TBC1D10A: variants seen among roughly 807,000 people sequenced by gnomAD.
TBC1D10A encodes the protein TBC1 domain family member 10A.
Under a neutral mutation model 52.9 loss-of-function variants are expected in TBC1D10A, and 24 were observed. That is an observed-to-expected ratio of 0.45 (90% CI 0.33 to 0.64). The LOEUF is 0.64. Among genes scored for constraint, TBC1D10A ranks in the 30% least tolerant of loss-of-function variants. The probability of loss-of-function intolerance (pLI) is 0.02; values close to 1 mark genes in which losing one functional copy is unlikely to be tolerated. For missense variants in TBC1D10A, 602 were observed against 687.9 expected (o/e 0.88, Z 1.40); for synonymous variants, 278 against 282.9 (o/e 0.98, Z 0.17).
At position 30,326,725 on chromosome 22, in the gene TBC1D10A, G is replaced by A; in HGVS notation, c.157C>T (p.Arg53Cys). The A allele has an allele frequency of 6.5e-7, 1 of 1,541,924 alleles. No individual in the cohort carries two copies. Among genetic ancestry groups the A allele is most frequent in the South Asian group, 1.2e-5 (1 of 85,852 alleles). Reference protein sequence around the residue: ...SDSEANGFAERRIDKFGFIVG... With the variant: ...SDSEANGFAECRIDKFGFIVG... ...ATGAAGCCGAACTTGTCGATGCGGCGCTCGGCGAAGCCGTTGGCCTCCGAG... is the reference window on the plus strand; with the variant it reads ...ATGAAGCCGAACTTGTCGATGCGGCACTCGGCGAAGCCGTTGGCCTCCGAG... Residue 53 changes from arginine (R) to cysteine (C), a missense_variant, in exon 1 of 9, where the codon CGC becomes TGC. By Grantham distance (180) the Arg-to-Cys change is radical. Around this residue, in one of 3 missense-constraint regions of TBC1D10A, gnomAD observed 201 missense variants for 204.4 expected, o/e 0.98. Transcript: ENST00000215790.
chr22:30,318,144 C>T (rs1345431106), intron 1 of TBC1D10A, among the ~76,000 whole-genome samples: 3 of 152,128 alleles, frequency 2.0e-5, no homozygotes, highest in Non-Finnish European at 4.4e-5. Flanking sequence ...AGGTTTTGTC[C>T]CAGCCAAGGC....
chr22:30,313,341 A>ATGTGTGTGTGTGTGTG (rs6147586), intron 1 of TBC1D10A, among the ~76,000 whole-genome samples: 220 of 138,104 alleles, frequency 1.6e-3, no homozygotes, highest in African/African-American at 5.4e-3. Context: ...TGCTCAATAA[A>ATGTGTGTGTGTGTGTG]TGTGTGTGTG....
chr22:30,307,360 T>C (rs1262102678), intron 1 of TBC1D10A, among the ~76,000 whole-genome samples: 1 of 152,214 alleles, frequency 6.6e-6, no homozygotes, highest in Non-Finnish European at 1.5e-5. Context: ...CCAGTTTCTT[T>C]TGGCTCAGCC....
chr22:30,292,834 C>A lies in TBC1D10A; in HGVS notation c.1068G>T (p.Val356=). 1.2e-6 allele frequency: 2 copies of A among 1,611,168 alleles called. No homozygotes were observed. The highest frequency in any genetic ancestry group is 1.7e-6 in the Non-Finnish European group (2 of 1,179,936). Residue 356 remains valine (V), a synonymous_variant, in exon 9 of 9, where the codon GTG becomes GTT. Coordinates refer to ENST00000215790, the MANE Select transcript of TBC1D10A (RefSeq NM_031937.3). ...FLVQEVVELP[V]TERQIEREHL... ...GTTCGCGCTCAATCTGGCGCTCTGT[C>A]ACGGGCAACTCCACCACCTGCAGGG...
In TBC1D10A at chr22:30,304,586, T is replaced by C; in HGVS notation, c.254A>G (p.Lys85Arg). The change falls in exon 2 of 9, where the codon AAG becomes AGG. Residue 85 changes from lysine to arginine, a missense_variant. Physicochemically the swap from Lys to Arg is conservative, Grantham distance 26. Transcript: ENST00000215790. ...CCAGTTGTTGAGCATGTCCAGCCAC[T>C]TGGACTCCCTCTGCCTCAGCACCTC... is the stretch of plus-strand genomic sequence containing the variant. ...PLEVLRQRES[K>R]WLDMLNNWDK... 2 of 1,614,066 alleles carry C rather than the reference T, an allele frequency of 1.2e-6. No individual in the cohort carries two copies. The highest frequency in any genetic ancestry group is 1.3e-5 in the African/African-American group (1 of 75,050).
chr22:30,313,428 G>C (rs1930468842), intron 1 of TBC1D10A, among the ~76,000 whole-genome samples: 1 of 150,952 alleles, frequency 6.6e-6, no homozygotes, highest in Non-Finnish European at 1.5e-5. Flanking sequence ...CTGTCGCCCA[G>C]GCTGGAGTGC....
chr22:30,319,569 G>A (rs1377454858), intron 1 of TBC1D10A, among the ~76,000 whole-genome samples: 2 of 152,190 alleles, frequency 1.3e-5, no homozygotes, highest in African/African-American at 4.8e-5. Context: ...TGAAGACCTG[G>A]ACAGGGCACA....
chr22:30,323,354 T>C (rs776305657), intron 1 of TBC1D10A, among the ~76,000 whole-genome samples: 6 of 152,218 alleles, frequency 3.9e-5, no homozygotes, highest in Admixed American at 6.5e-5. Context: ...TTCTTATCCT[T>C]CTGGGCCACT....
chr22:30,325,762 G>T (rs901061337), intron 1 of TBC1D10A, among the ~76,000 whole-genome samples: 2 of 152,122 alleles, frequency 1.3e-5, no homozygotes, highest in South Asian at 2.1e-4. Context: ...TAGGACATCG[G>T]GGGGTGCTAA....
At chr22:30,314,968 C>T (rs1930504985) in intron 1 of TBC1D10A, among the ~76,000 whole-genome samples, 1 of 152,190 alleles carries the variant, frequency 6.6e-6, no homozygotes, top group Non-Finnish European at 1.5e-5. Context: ...GGTTGCAAGC[C>T]TTGAGTGGAA....
chr22:30,303,462 C>T (rs979342394), intron 2 of TBC1D10A, among the ~76,000 whole-genome samples: 34 of 152,338 alleles, frequency 2.2e-4, no homozygotes, highest in African/African-American at 7.7e-4. Flanking sequence ...ACCACCACTT[C>T]GTGGGGAGCA....
chr22:30,312,323 C>T (rs1276077161), intron 1 of TBC1D10A, among the ~76,000 whole-genome samples: 1 of 152,188 alleles, frequency 6.6e-6, no homozygotes, highest in Admixed American at 6.5e-5. Context: ...TGCCCAGACT[C>T]GTCCATGGCT....
At position 30,326,765 on chromosome 22, in the gene TBC1D10A, G is replaced by T; in HGVS notation, c.117C>A (p.Ser39Arg). The stretch of plus-strand genomic sequence containing the variant: ...TGGCCTCCGAGTCAGACCCGAGAGA[G>T]CTGAGTTCGTCGGTGGTTGCGGCGT... ...GPDAATTDEL[S>R]SLGSDSEANG... Residue 39 changes from serine (S) to arginine (R), a missense_variant, in exon 1 of 9, where the codon AGC becomes AGA. By Grantham distance (110) the Ser-to-Arg change is moderately radical. This residue lies in a region of TBC1D10A where 201 missense variants were observed against 204.4 expected (regional missense o/e 0.98). Coordinates refer to ENST00000215790, the MANE Select transcript of TBC1D10A (RefSeq NM_031937.3). The T allele has an allele frequency of 6.6e-7, 1 of 1,519,108 alleles. No individual in the cohort carries two copies. 94.1% of individuals were successfully genotyped at this position (1,519,108 alleles called of 1,614,324 possible). A position where few individuals can be genotyped will look rare whatever the true frequency, so the allele number is the denominator to read the frequency against.
At chr22:30,296,118 T>C (rs1022654831) in intron 3 of TBC1D10A, 5 of 433,980 alleles carry the variant, frequency 1.2e-5, no homozygotes, top group African/African-American at 1.0e-4. Flanking sequence ...CAGCTGCGGC[T>C]GGAAGGACCT....
Position 30,294,053 on chromosome 22 carries a change from C to A in TBC1D10A, c.763G>T (p.Val255Leu). Reference protein sequence around the residue: ...LFSLLQKVSPVAHKHLSRQKI... With the variant: ...LFSLLQKVSPLAHKHLSRQKI... ...TGACGGCTGAGGTGCTTGTGGGCCA[C>A]CGGCGACACCTTCTGCAACAGCGAG... Residue 255 changes from valine to leucine, a missense_variant, in exon 7 of 9, where the codon GTG becomes TTG. This residue lies in a region of TBC1D10A where 136 missense variants were observed against 208.4 expected (regional missense o/e 0.65). Transcript: ENST00000215790. The A allele has an allele frequency of 6.2e-7, 1 of 1,614,118 alleles. No individual in the cohort carries two copies. Among genetic ancestry groups the A allele is most frequent in the South Asian group, 1.1e-5 (1 of 91,092 alleles).
chr22:30,293,236 G>T, intron 8 of TBC1D10A: 1 of 616,214 alleles, frequency 1.6e-6, no homozygotes, highest in Non-Finnish European at 3.1e-6. Context: ...TGACTTTAAG[G>T]GGAGTTGCTT....
rs554379892 is a variant in TBC1D10A at position 30,317,499 on chromosome 22, T to G, written c.209+9174A>C. 3.9e-5 allele frequency among the ~76,000 whole-genome samples: 6 copies of G among 152,302 alleles called. No individual in the cohort carries two copies. In the South Asian group the frequency reaches 1.2e-3, roughly 32 times the overall value. Reference sequence around the variant, plus strand: ...GTTAGTGGCTCAGTAAGGCATAGGGTTAAGGTCTCCAGATCTCCGTTCAGC... The same window carrying G: ...GTTAGTGGCTCAGTAAGGCATAGGGGTAAGGTCTCCAGATCTCCGTTCAGC... On this transcript the variant is annotated intron_variant, in intron 1 of 8. Coordinates refer to ENST00000215790, the MANE Select transcript of TBC1D10A (RefSeq NM_031937.3).
At chr22:30,299,652 G>C in intron 2 of TBC1D10A, 101 bp from the exon 3 acceptor site, 1 of 1,055,994 alleles carries the variant, frequency 9.5e-7, no homozygotes, top group Admixed American at 2.2e-5. Flanking sequence ...GCACACAGCA[G>C]CAAGAGCAGA....
At position 30,294,020 on chromosome 22, in the gene TBC1D10A, C is replaced by T. The variant is rs547086076; in HGVS notation, c.796G>A (p.Asp266Asn). ...CATTCTGTCATATAGAGGAGCGGGT[C>T]GATCTTCTGACGGCTGAGGTGCTTG... The part of the protein sequence containing the change: ...AHKHLSRQKI[D>N]PLLYMTEWFM... Residue 266 changes from aspartate to asparagine, a missense_variant, in exon 7 of 9, where the codon GAC (aspartate) becomes AAC (asparagine). Physicochemically the swap from Asp to Asn is conservative, Grantham distance 23 (BLOSUM62 1). Transcript: ENST00000215790. 2.1e-5 allele frequency: 34 copies of T among 1,614,120 alleles called. No homozygotes were observed. In the South Asian group the frequency reaches 2.7e-4, roughly 13 times the overall value.
Sources: allele counts gnomAD v4.1 joint callset (sites outside exome capture counted in the v4.1 genomes callset), GRCh38; gene constraint gnomAD v4.1.1; regional missense constraint gnomAD v4.1.1; transcripts MANE v1.5; gene names NCBI Gene and HGNC (gene_info 2026-07-23, HGNC 2026-07-21).